VLDLR: variants seen among roughly 807,000 people sequenced by gnomAD.
The protein encoded by VLDLR is very low density lipoprotein receptor.
In VLDLR, 81 loss-of-function variants were observed where a neutral mutation model predicts 112.7. The observed-to-expected ratio is 0.72, with a 90% CI of 0.60 to 0.86. The LOEUF (loss-of-function observed/expected upper bound fraction) is 0.86. Among genes scored for constraint, VLDLR ranks in the 40% least tolerant of loss-of-function variants. VLDLR has a pLI of 0.00. For missense variants in VLDLR, 1,237 were observed against 1,099.4 expected (o/e 1.13, Z -1.77); for synonymous variants, 436 against 384.8 (o/e 1.13, Z -1.56).
chr9:2,628,428 G>C (rs1482169270), intron 1 of VLDLR, among the ~76,000 whole-genome samples: 2 of 152,202 alleles, frequency 1.3e-5, no homozygotes, highest in Non-Finnish European at 2.9e-5. Flanking sequence ...TCCCCTTTGA[G>C]CTGTTAGCTC....
intron 2 of VLDLR, 99 bp downstream of exon 2, chr9:2,635,671 C>CTTTGAAAG: frequency 6.4e-7 from 1 of 1,570,770 alleles, no homozygotes; most frequent in South Asian, 1.1e-5. Flanking sequence ...CCACTTCTAA[C>CTTTGAAAG]AATTGCTTTG....
chr9:2,651,065 A>G (rs758290964), intron 15 of VLDLR, among the ~76,000 whole-genome samples: 1 of 152,182 alleles, frequency 6.6e-6, no homozygotes, highest in Non-Finnish European at 1.5e-5. Context: ...GTTTACCAAG[A>G]AATTAGTTGC....
At position 2,643,682 on chromosome 9, in the gene VLDLR, A is replaced by G. The variant is rs767614533; in HGVS notation, c.875A>G (p.His292Arg). The change falls in exon 6 of 19, where the codon CAT becomes CGT. Residue 292 changes from histidine (H) to arginine (R), a missense_variant. By Grantham distance (29) the His-to-Arg change is conservative. Coordinates refer to ENST00000382100, the MANE Select transcript of VLDLR (RefSeq NM_003383.5). ...QFECEDGSCI[H>R]GSRQCNGIRD... The stretch of plus-strand genomic sequence containing the variant: ...GAATGTGAGGATGGCAGCTGCATCC[A>G]TGGCAGCAGGCAGTGTAATGGTATC... The G allele has an allele frequency of 2.5e-6, 4 of 1,614,220 alleles. No individual in the cohort carries two copies. The highest frequency in any genetic ancestry group is 1.1e-5 in the South Asian group (1 of 91,086).
At chr9:2,631,649 A>G (rs1586638353) in intron 1 of VLDLR, among the ~76,000 whole-genome samples, 1 of 152,068 alleles carries the variant, frequency 6.6e-6, no homozygotes, top group South Asian at 2.1e-4. Flanking sequence ...AAGATGACAG[A>G]GACTCAGAAG....
intron 1 of VLDLR, among the ~76,000 whole-genome samples, chr9:2,632,593 C>A (rs1817402594): frequency 6.6e-6 from 1 of 152,180 alleles, no homozygotes; most frequent in Admixed American, 6.5e-5. Context: ...GCTTTGGAAA[C>A]CAAAAGCCTC....
chr9:2,645,603 C>A lies in VLDLR; in HGVS notation c.1342C>A (p.Arg448=), dbSNP rs80338905. ...GKEPSLIFTN[R]RDIRKIGLER... The stretch of plus-strand genomic sequence containing the variant: ...AGAGCCAAGTCTGATCTTCACTAAT[C>A]GAAGAGACATCAGGAAGATTGGCTT... Residue 448 remains arginine, a synonymous_variant, in exon 10 of 19, where the codon CGA becomes AGA. Coordinates refer to ENST00000382100, the MANE Select transcript of VLDLR (RefSeq NM_003383.5). The A allele has an allele frequency of 3.7e-6, 6 of 1,614,066 alleles. No individual in the cohort carries two copies. In the African/African-American group the frequency reaches 8.0e-5, roughly 22 times the overall value.
chr9:2,645,756 G>A lies in VLDLR; in HGVS notation c.1484+11G>A. The A allele has an allele frequency of 6.2e-7, 1 of 1,614,070 alleles. No individual in the cohort carries two copies. Among genetic ancestry groups the A allele is most frequent in the South Asian group, 1.1e-5 (1 of 91,086 alleles). On this transcript the variant is annotated intron_variant, in intron 10 of 18. Coordinates refer to ENST00000382100, the MANE Select transcript of VLDLR (RefSeq NM_003383.5). Reference sequence around the variant, plus strand: ...AAAGGCTATCTTCAGGTAACTTTCAGTTCCTTTTGTGGTGTCTTGACATAA... The same window carrying A: ...AAAGGCTATCTTCAGGTAACTTTCAATTCCTTTTGTGGTGTCTTGACATAA...
chr9:2,652,939 C>T lies in VLDLR; in HGVS notation c.2576C>T (p.Thr859Met), dbSNP rs184610667. Residue 859 changes from threonine to methionine, a missense_variant, in exon 18 of 19, where the codon ACG becomes ATG. Coordinates refer to ENST00000382100, the MANE Select transcript of VLDLR (RefSeq NM_003383.5). ...IGRHSASVGH[T>M]YPAISVVSTD... is the part of the protein sequence containing the mutation. ...AGACACAGTGCTTCTGTTGGACACA[C>T]GTACCCAGCAGTAAGTCAGCTTTGT... The T allele has an allele frequency of 1.4e-5, 22 of 1,614,020 alleles. No individual in the cohort carries two copies. The highest frequency in any genetic ancestry group is 1.1e-4 in the East Asian group (5 of 44,876).
At chr9:2,645,531 C>T (rs1476244390) in intron 9 of VLDLR, 43 bp from the exon 10 acceptor site, 3 of 1,613,450 alleles carry the variant, frequency 1.9e-6, no homozygotes, top group Non-Finnish European at 2.5e-6. Flanking sequence ...AAGACCTTGC[C>T]TTCTTAAAGC....
At position 2,643,544 on chromosome 9, in the gene VLDLR, C is replaced by G; in HGVS notation, c.820+13C>G. 2 of 1,614,228 alleles carry G rather than the reference C, an allele frequency of 1.2e-6. No individual in the cohort carries two copies. The highest frequency in any genetic ancestry group is 1.7e-6 in the Non-Finnish European group (2 of 1,180,028). ...GAGGTCAACTGTCGTAAGTAGCTTT[C>G]TAGCATGGCATGTTCAGTTCTCTTC... is the stretch of plus-strand genomic sequence containing the variant. On this transcript the variant is annotated intron_variant, in intron 5 of 18. Transcript: ENST00000382100.
At chr9:2,652,990 G>C (rs773862003) in intron 18 of VLDLR, 41 bp downstream of exon 18, 3 of 1,613,338 alleles carry the variant, frequency 1.9e-6, no homozygotes, top group East Asian at 4.5e-5. Context: ...GGCTTGAAGT[G>C]AGACTTTTCA....
Position 2,641,495 on chromosome 9 carries a change from C to T in VLDLR, c.444C>T (p.Asn148=). ...NDCDSGEDEE[N]CGNITCSPDE... is the part of the protein sequence containing the mutation. ...GTGACAGTGGAGAAGATGAAGAAAA[C>T]TGTGGTAAGAAGATCAGTGTTGAGT... is the stretch of plus-strand genomic sequence containing the variant. The change falls in exon 4 of 19, where the codon AAC becomes AAT. Residue 148 remains asparagine (N), a synonymous_variant. Coordinates refer to ENST00000382100, the MANE Select transcript of VLDLR (RefSeq NM_003383.5). 3 of 1,614,106 alleles carry T rather than the reference C, an allele frequency of 1.9e-6. No homozygotes were observed. The highest frequency in any genetic ancestry group is 1.7e-6 in the Non-Finnish European group (2 of 1,180,002).
chr9:2,632,395 G>C (rs943937967), intron 1 of VLDLR, among the ~76,000 whole-genome samples: 2 of 152,130 alleles, frequency 1.3e-5, no homozygotes, highest in African/African-American at 4.8e-5. Context: ...GAAATGCCTA[G>C]CACTTCTACT....
chr9:2,621,965 A>C lies in VLDLR; in HGVS notation c.-225A>C. ...CAGGCTCGGCTTGCACTGCTGCTGC[A>C]GCCCGGGGAGGTGGCTGGGTGGGTG... On this transcript the variant is annotated 5_prime_UTR_variant, in exon 1 of 19. Coordinates refer to ENST00000382100, the MANE Select transcript of VLDLR (RefSeq NM_003383.5). 3 of 658,120 alleles carry C rather than the reference A, an allele frequency of 4.6e-6. No individual in the cohort carries two copies. Among genetic ancestry groups the C allele is most frequent in the Non-Finnish European group, 8.3e-6 (3 of 362,154 alleles). The allele number at this position is 658,120 out of a possible 1,614,324, so 40.8% of individuals were successfully genotyped here. A position where few individuals can be genotyped will look rare whatever the true frequency, so the allele number is the denominator to read the frequency against.
In VLDLR at chr9:2,654,918, T is replaced by C. The variant is rs1337924160; in HGVS notation, c.*1050T>C. The C allele has an allele frequency of 6.6e-6, 1 of 152,228 alleles. No individual in the cohort carries two copies. Among genetic ancestry groups the C allele is most frequent in the African/African-American group, 2.4e-5 (1 of 41,460 alleles). 9.4% of individuals were successfully genotyped at this position (152,228 alleles called of 1,614,324 possible). A position where few individuals can be genotyped will look rare whatever the true frequency, so the allele number is the denominator to read the frequency against. On this transcript the variant is annotated 3_prime_UTR_variant, in exon 19 of 19. Transcript: ENST00000382100. ...AGTCTAGACTGTCTTACTGTGAAGA[T>C]GGCCAGGGAGGATAGCAAGCAATGG... is the stretch of plus-strand genomic sequence containing the variant.
intron 3 of VLDLR, among the ~76,000 whole-genome samples, chr9:2,640,667 A>G (rs1327184424): frequency 2.0e-5 from 3 of 152,232 alleles, no homozygotes; most frequent in African/African-American, 7.2e-5. Context: ...TGGTAGAAAC[A>G]CTAAAAAAGG....
intron 1 of VLDLR, 94 bp from the exon 2 acceptor site, chr9:2,635,359 A>C: frequency 6.3e-7 from 1 of 1,593,170 alleles, no homozygotes; most frequent in Non-Finnish European, 8.6e-7. Context: ...CCGAGTCTGC[A>C]GTATCCTTCT....
intron 12 of VLDLR, among the ~76,000 whole-genome samples, chr9:2,647,977 A>T (rs184925354): frequency 6.6e-6 from 1 of 152,320 alleles, no homozygotes; most frequent in East Asian, 1.9e-4. Context: ...CTGTAATGTG[A>T]GTAATATTTC....
intron 1 of VLDLR, among the ~76,000 whole-genome samples, chr9:2,632,373 C>T (rs1272651281): frequency 6.6e-6 from 1 of 152,184 alleles, no homozygotes; most frequent in Non-Finnish European, 1.5e-5. Flanking sequence ...CATCTTCTCA[C>T]CTGTCTGAGC....
Sources: gnomAD v4.1 joint callset for allele counts (sites outside exome capture counted in the v4.1 genomes callset) on GRCh38, gnomAD v4.1.1 for gene constraint, MANE v1.5 for transcripts, NCBI Gene and HGNC (gene_info 2026-07-23, HGNC 2026-07-21) for gene names.